Variants in NOL10 observed in about 807,000 individuals in gnomAD.
NOL10 encodes nucleolar protein 10, also known as H_NH0074G24.1.
A neutral mutation model predicts 103.5 loss-of-function variants in NOL10; 58 were observed. The observed-to-expected ratio is 0.56, with a 90% confidence interval of 0.45 to 0.70. NOL10 has a LOEUF of 0.70. Ranked by LOEUF, NOL10 falls within the 30% of genes least tolerant of loss-of-function variation. The pLI is 0.00. For synonymous variants in NOL10, 287 were observed against 282.5 expected, an observed-to-expected ratio of 1.02 and a Z score of -0.16; for missense variants, 763 against 807.3, an observed-to-expected ratio of 0.95 and a Z score of 0.67.
Position 10,587,226 on chromosome 2 carries a change from T to C in NOL10, c.1844+1817A>G, listed in dbSNP as rs1248551730. On this transcript the variant is annotated intron_variant, in intron 19 of 20. Coordinates refer to ENST00000381685, the MANE Select transcript of NOL10 (RefSeq NM_024894.4). ...ATACACATATATATATACATATATA[T>C]ACATATATATATACATACATATATA... 5.1e-4 allele frequency among the ~76,000 whole-genome samples: 27 copies of C among 52,846 alleles called. 10 individuals carry two copies. The highest frequency in any genetic ancestry group is 3.4e-3 in the African/African-American group (27 of 7,984). The allele number at this position is 52,846 out of a possible 152,430, so 34.7% of individuals were successfully genotyped here.
intron 19 of NOL10, among the ~76,000 whole-genome samples, chr2:10,578,745 T>A (rs1674600721): frequency 6.6e-6 from 1 of 152,246 alleles, no homozygotes; most frequent in Non-Finnish European, 1.5e-5. Context: ...AGCCTAATGA[T>A]ATATATTTTC....
At position 10,589,208 on chromosome 2, in the gene NOL10, T is replaced by C; in HGVS notation, c.1679A>G (p.Glu560Gly). The change falls in exon 19 of 21, where the codon GAG (glutamate) becomes GGG (glycine). Residue 560 changes from glutamate to glycine, a missense_variant. Physicochemically the swap from Glu to Gly is moderately conservative, Grantham distance 98. Transcript: ENST00000381685. ...SSDDEKAWVE[E>G]VRKQRRLLQQ... ...GAGGAGTCTGCGTTGCTTCCTGACCTCTTCAACCCAGGCTTTTTCATCATC... is the reference window on the plus strand; with the variant it reads ...GAGGAGTCTGCGTTGCTTCCTGACCCCTTCAACCCAGGCTTTTTCATCATC... 1 of 1,614,032 alleles carries C rather than the reference T, an allele frequency of 6.2e-7. No individual in the cohort carries two copies.
At chr2:10,670,588 AGC>A (rs1236629944) in intron 6 of NOL10, among the ~76,000 whole-genome samples, 7 of 152,126 alleles carry the variant, frequency 4.6e-5, no homozygotes, top group Admixed American at 4.6e-4. Context: ...TACAAAAATT[AGC>A]TGGGCATGGT....
intron 13 of NOL10, among the ~76,000 whole-genome samples, chr2:10,615,962 T>C (rs1319255743): frequency 6.6e-6 from 1 of 152,032 alleles, no homozygotes; most frequent in Non-Finnish European, 1.5e-5. Context: ...GTCAGGACAA[T>C]TAATGGCAGT....
chr2:10,644,213 A>T, intron 13 of NOL10, 107 bp downstream of exon 13: 1 of 755,464 alleles, frequency 1.3e-6, no homozygotes, highest in Non-Finnish European at 2.0e-6. Context: ...GCACCACTGC[A>T]CCCCAGCATC....
At chr2:10,660,966 A>C (rs1680161298) in intron 9 of NOL10, among the ~76,000 whole-genome samples, 1 of 152,150 alleles carries the variant, frequency 6.6e-6, no homozygotes, top group African/African-American at 2.4e-5. Flanking sequence ...AATTACCTAA[A>C]ACCAAATCAG....
At position 10,617,827 on chromosome 2, in the gene NOL10, G is replaced by A. The variant is rs545932997; in HGVS notation, c.1027-10516C>T. ...AGACATGGTACAACATGGACGGGCC[G>A]GGAAACATGCTGAAGAAAAAACAGA... On this transcript the variant is annotated intron_variant, in intron 13 of 20. Coordinates refer to ENST00000381685, the MANE Select transcript of NOL10 (RefSeq NM_024894.4). Among the ~76,000 whole-genome samples, 169 of 152,226 alleles carry A rather than the reference G, an allele frequency of 1.1e-3. 1 individual carries two copies. Among genetic ancestry groups the A allele is most frequent in the African/African-American group, 3.9e-3 (162 of 41,538 alleles).
intron 12 of NOL10, among the ~76,000 whole-genome samples, chr2:10,652,307 T>G (rs1193515016): frequency 6.6e-6 from 1 of 151,380 alleles, no homozygotes; most frequent in Non-Finnish European, 1.5e-5. Context: ...AAGGCTGGGT[T>G]CTAAATGAGG....
intron 9 of NOL10, among the ~76,000 whole-genome samples, chr2:10,662,164 A>G (rs1022612933): frequency 3.3e-5 from 5 of 152,256 alleles, no homozygotes; most frequent in Admixed American, 1.3e-4. Context: ...AATAAATACA[A>G]TAACAGTGCC....
chr2:10,587,515 C>T (rs1248811167), intron 19 of NOL10, among the ~76,000 whole-genome samples: 1 of 151,270 alleles, frequency 6.6e-6, no homozygotes, highest in Non-Finnish European at 1.5e-5. Context: ...ATGATCTGCC[C>T]CCCCCTTGGC....
chr2:10,637,440 C>A (rs1678339190), intron 13 of NOL10, among the ~76,000 whole-genome samples: 1 of 152,186 alleles, frequency 6.6e-6, no homozygotes, highest in Non-Finnish European at 1.5e-5. Context: ...GCAGCACCTA[C>A]TGCCTTGCCA....
chr2:10,591,058 T>C (rs899311800), intron 17 of NOL10: 2 of 152,134 alleles, frequency 1.3e-5, no homozygotes, highest in South Asian at 2.1e-4. Context: ...TATACAAAAG[T>C]TTAGTAAATC....
intron 19 of NOL10, among the ~76,000 whole-genome samples, chr2:10,583,258 A>G (rs1558267439): frequency 6.6e-6 from 1 of 152,244 alleles, no homozygotes. Flanking sequence ...TAAATACATC[A>G]CAGGCATTTG....
At chr2:10,606,071 G>A (rs1005391536) in intron 14 of NOL10, among the ~76,000 whole-genome samples, 2 of 152,072 alleles carry the variant, frequency 1.3e-5, no homozygotes, top group Admixed American at 6.6e-5. Flanking sequence ...AGAACAAGAT[G>A]AGCACCATCT....
intron 19 of NOL10, among the ~76,000 whole-genome samples, chr2:10,585,161 C>T (rs1453783716): frequency 6.6e-6 from 1 of 152,228 alleles, no homozygotes; most frequent in African/African-American, 2.4e-5. Context: ...CAAGTGCCCA[C>T]TCTATTCTAA....
chr2:10,689,944 T>C lies in NOL10; in HGVS notation c.-83A>G. On this transcript the variant is annotated 5_prime_UTR_variant, in exon 1 of 21. Coordinates refer to ENST00000381685, the MANE Select transcript of NOL10 (RefSeq NM_024894.4). ...CGTAATCCCGGGACCTCCGAGCCCC[T>C]GCTCCGCGGCGTGCGGCCGCTGGCG... 21 of 1,338,602 alleles carry C rather than the reference T, an allele frequency of 1.6e-5. No homozygotes were observed. Among genetic ancestry groups the C allele is most frequent in the South Asian group, 9.1e-5 (7 of 76,966 alleles). 82.9% of individuals were successfully genotyped at this position (1,338,602 alleles called of 1,614,324 possible). A position where few individuals can be genotyped will look rare whatever the true frequency, so the allele number is the denominator to read the frequency against.
chr2:10,680,437 G>T (rs1304810886), intron 3 of NOL10, among the ~76,000 whole-genome samples: 1 of 150,886 alleles, frequency 6.6e-6, no homozygotes, highest in Non-Finnish European at 1.5e-5. Context: ...TTTTGCATGG[G>T]AATAGAGGAC....
intron 3 of NOL10, among the ~76,000 whole-genome samples, chr2:10,679,840 C>T (rs1572438721): frequency 6.6e-6 from 1 of 151,982 alleles, no homozygotes; most frequent in East Asian, 2.0e-4. Context: ...AGGCTGGTCT[C>T]GAACTCCTGG....
chr2:10,635,541 A>G (rs1404914519), intron 13 of NOL10, among the ~76,000 whole-genome samples: 1 of 152,222 alleles, frequency 6.6e-6, no homozygotes, highest in Non-Finnish European at 1.5e-5. Flanking sequence ...GGCTGATAAA[A>G]TATCTACATA....
Sources: gnomAD v4.1 joint callset for allele counts (sites outside exome capture counted in the v4.1 genomes callset) on GRCh38, gnomAD v4.1.1 for gene constraint, MANE v1.5 for transcripts, NCBI Gene and HGNC (gene_info 2026-07-23, HGNC 2026-07-21) for gene names.